Variants in HTR1F observed in about 807,000 individuals in gnomAD.
The protein encoded by HTR1F is 5-hydroxytryptamine (serotonin) receptor 1F, G protein-coupled.
HTR1F carries 17 observed loss-of-function variants against 24.0 expected under a neutral mutation model. The ratio of observed to expected loss-of-function variants is 0.71; its 90% CI spans 0.48 to 1.06. HTR1F has a LOEUF of 1.06. Among genes scored for constraint, HTR1F ranks in the 50% least tolerant of loss-of-function variants. The probability of loss-of-function intolerance (pLI) is 0.00; values close to 1 mark genes in which losing one functional copy is unlikely to be tolerated. For synonymous variants in HTR1F, 186 were observed against 156.8 expected (o/e 1.19, Z -1.39); for missense variants, 391 against 427.8 (o/e 0.91, Z 0.76).
intron 2 of HTR1F, among the ~76,000 whole-genome samples, chr3:87,967,404 T>G (rs556383694): frequency 8.0e-4 from 121 of 151,922 alleles, no homozygotes; most frequent in African/African-American, 2.8e-3. Context: ...GAGCTGAGAT[T>G]GTGCCACTAC....
At chr3:87,961,134 CA>C (rs1282524299) in intron 2 of HTR1F, among the ~76,000 whole-genome samples, 1 of 151,950 alleles carries the variant, frequency 6.6e-6, no homozygotes, top group Non-Finnish European at 1.5e-5. Flanking sequence ...GGAAGTTCTT[CA>C]GTTGAGATGC....
intron 2 of HTR1F, among the ~76,000 whole-genome samples, chr3:87,899,322 T>C (rs966391260): frequency 6.6e-6 from 1 of 152,214 alleles, no homozygotes; most frequent in Non-Finnish European, 1.5e-5. Flanking sequence ...CCATCATAAA[T>C]ACTACCAGAA....
At chr3:87,906,827 G>A (rs1306265093) in intron 2 of HTR1F, among the ~76,000 whole-genome samples, 2 of 151,848 alleles carry the variant, frequency 1.3e-5, no homozygotes, top group Non-Finnish European at 2.9e-5. Context: ...TAGAATAATG[G>A]TCCCCAGTTC....
Position 87,915,678 on chromosome 3 carries a change from T to C in HTR1F, c.-42-75030T>C, listed in dbSNP as rs1470926394. Among the ~76,000 whole-genome samples the C allele has an allele frequency of 7.9e-5, 12 of 152,114 alleles. No individual in the cohort carries two copies. The East Asian group carries it at 2.3e-3, about 29-fold the overall frequency. The stretch of plus-strand genomic sequence containing the variant: ...ACAAAGAAAAAAGAATGAGAAAATA[T>C]GAACAAAGCCTCCAAGAAGTCTGGG... On this transcript the variant is annotated intron_variant, in intron 2 of 2. Coordinates refer to ENST00000319595, the MANE Select transcript of HTR1F (RefSeq NM_001322209.2).
Position 87,967,889 on chromosome 3 carries a change from AC to A in HTR1F, c.-42-22817del, listed in dbSNP as rs566135489. ...TATAGTAGGGCGCAGCTGTAAAGAT[AC>A]CTGAAAATGTGGAAGCAACTTTGGA... is the stretch of plus-strand genomic sequence containing the variant. On this transcript the variant is annotated intron_variant, in intron 2 of 2. Transcript: ENST00000319595. Among the ~76,000 whole-genome samples the A allele has an allele frequency of 4.9e-3, 744 of 152,336 alleles. 2 individuals carry two copies. The highest frequency in any genetic ancestry group is 0.017 in the African/African-American group (719 of 41,578).
At chr3:87,854,780 C>T (rs140279292) in intron 2 of HTR1F, among the ~76,000 whole-genome samples, 26 of 152,044 alleles carry the variant, frequency 1.7e-4, no homozygotes, top group African/African-American at 6.0e-4. Context: ...TTTTGTGGTT[C>T]GAGACATTCT....
chr3:87,920,790 C>T (rs1214718410), intron 2 of HTR1F, among the ~76,000 whole-genome samples: 2 of 151,978 alleles, frequency 1.3e-5, no homozygotes, highest in East Asian at 1.9e-4. Context: ...CTTAGTATCT[C>T]AGCGACAAAA....
chr3:87,843,152 T>A lies in HTR1F; in HGVS notation c.-43+21028T>A, dbSNP rs1020267527. On this transcript the variant is annotated intron_variant, in intron 2 of 2. Coordinates refer to ENST00000319595, the MANE Select transcript of HTR1F (RefSeq NM_001322209.2). ...TATAAGACATTGTAACCTAAACCAC[T>A]CAAAAACAATCTCAGAAACAAAAAT... 1.1e-3 allele frequency among the ~76,000 whole-genome samples: 160 copies of A among 151,512 alleles called. 3 individuals are homozygous for A. The highest frequency in any genetic ancestry group is 3.7e-3 in the African/African-American group (154 of 41,132).
chr3:87,798,615 A>G (rs1703944678), intron 1 of HTR1F, among the ~76,000 whole-genome samples: 1 of 151,496 alleles, frequency 6.6e-6, no homozygotes, highest in Non-Finnish European at 1.5e-5. Context: ...CCTAATTTTT[A>G]TTTCCTGTCA....
At chr3:87,812,962 T>C (rs1704185622) in intron 1 of HTR1F, among the ~76,000 whole-genome samples, 1 of 152,238 alleles carries the variant, frequency 6.6e-6, no homozygotes, top group African/African-American at 2.4e-5. Context: ...AGAGGATTTA[T>C]AGCAATGCCT....
intron 2 of HTR1F, among the ~76,000 whole-genome samples, chr3:87,824,588 C>A (rs984338048): frequency 5.3e-5 from 8 of 152,058 alleles, no homozygotes; most frequent in Admixed American, 4.6e-4. Flanking sequence ...ACTCAATAAA[C>A]CTTGTGAATG....
intron 2 of HTR1F, among the ~76,000 whole-genome samples, chr3:87,847,289 A>T (rs1199613529): frequency 2.0e-5 from 3 of 151,902 alleles, no homozygotes; most frequent in African/African-American, 7.3e-5. Context: ...CAAATTTACT[A>T]GGGTTCTATT....
chr3:87,988,871 G>T (rs1056861295), intron 2 of HTR1F, among the ~76,000 whole-genome samples: 1 of 151,974 alleles, frequency 6.6e-6, no homozygotes, highest in African/African-American at 2.4e-5. Flanking sequence ...GAGCTACCGG[G>T]CCTGGTTCAA....
rs536005909 is a variant in HTR1F, at chr3:87,843,857, G to T, written c.-43+21733G>T. ...CCATGTCCCTACAAAGGACATGAAC[G>T]CATCATTTTTTATGGCTGCATAGTA... On this transcript the variant is annotated intron_variant, in intron 2 of 2. Coordinates refer to ENST00000319595, the MANE Select transcript of HTR1F (RefSeq NM_001322209.2). Among the ~76,000 whole-genome samples the T allele has an allele frequency of 5.4e-3, 823 of 151,730 alleles. 7 individuals are homozygous for T. Among genetic ancestry groups the T allele is most frequent in the Middle Eastern group, 0.02 (6 of 294 alleles).
chr3:87,959,756 G>A (rs1705021483), intron 2 of HTR1F, among the ~76,000 whole-genome samples: 1 of 135,294 alleles, frequency 7.4e-6, no homozygotes, highest in Admixed American at 7.3e-5. Flanking sequence ...TACGATGTGA[G>A]ACCACCATGG....
At chr3:87,952,379 C>A (rs1361054459) in intron 2 of HTR1F, among the ~76,000 whole-genome samples, 1 of 151,972 alleles carries the variant, frequency 6.6e-6, no homozygotes, top group Non-Finnish European at 1.5e-5. Flanking sequence ...ATTGCAGAAT[C>A]TCATTAATAC....
chr3:87,932,261 A>G (rs1704295140), intron 2 of HTR1F, among the ~76,000 whole-genome samples: 1 of 152,160 alleles, frequency 6.6e-6, no homozygotes, highest in Non-Finnish European at 1.5e-5. Context: ...CCTTCTACAT[A>G]TGGCTAGCCA....
rs1048599891 is a variant in HTR1F, at chr3:87,985,225, C to T, written c.-42-5483C>T. Among the ~76,000 whole-genome samples the T allele has an allele frequency of 3.3e-5, 5 of 152,110 alleles. No homozygotes were observed. The Middle Eastern group carries it at 0.014, about 414-fold the overall frequency. On this transcript the variant is annotated intron_variant, in intron 2 of 2. Transcript: ENST00000319595. Reference sequence around the variant, plus strand: ...TGGCGCATGCCTGTAATCCCAGCTACTCGGGAGGCTGAGGCTGACGAATCG... The same window carrying T: ...TGGCGCATGCCTGTAATCCCAGCTATTCGGGAGGCTGAGGCTGACGAATCG...
rs900137691 is a variant in HTR1F, at chr3:87,935,814, GA to G, written c.-42-54884del. ...TTTGGAAAAAGAAATTATTTCTTCT[GA>G]AAAAAAAAATTTGGCTTAATAACAT... On this transcript the variant is annotated intron_variant, in intron 2 of 2. Coordinates refer to ENST00000319595, the MANE Select transcript of HTR1F (RefSeq NM_001322209.2). 8.5e-4 allele frequency among the ~76,000 whole-genome samples: 126 copies of G among 148,912 alleles called. 1 individual carries two copies. Among genetic ancestry groups the G allele is most frequent in the Middle Eastern group, 3.5e-3 (1 of 288 alleles).
Sources: gnomAD v4.1 joint callset for allele counts (sites outside exome capture counted in the v4.1 genomes callset) on GRCh38, gnomAD v4.1.1 for gene constraint, MANE v1.5 for transcripts, NCBI Gene and HGNC (gene_info 2026-07-23, HGNC 2026-07-21) for gene names.